GRXCR2: variants seen among roughly 807,000 people sequenced by gnomAD.
GRXCR2 encodes the protein glutaredoxin and cysteine rich domain containing 2, also known as glutaredoxin domain-containing cysteine-rich protein 2.
Under a neutral mutation model 24.8 loss-of-function variants are expected in GRXCR2, and 23 were observed. The observed-to-expected ratio is 0.93, with a 90% CI of 0.67 to 1.32. The LOEUF is 1.32. GRXCR2 is among the 40% of genes most tolerant of loss of function. The probability of loss-of-function intolerance (pLI) is 0.00; values close to 1 mark genes in which losing one functional copy is unlikely to be tolerated. For missense variants in GRXCR2, 315 were observed against 303.4 expected (o/e 1.04, Z -0.28); for synonymous variants, 130 against 116.1 (o/e 1.12, Z -0.77).
chr5:145,921,329 C>T (rs964763725), intron 2 of GRXCR2, among the ~76,000 whole-genome samples: 3 of 152,212 alleles, frequency 2.0e-5, no homozygotes, highest in African/African-American at 7.2e-5. Context: ...GGTGAATGCA[C>T]ATGTAGCAGC....
At chr5:145,880,253 A>C (rs1020724436) in intron 2 of GRXCR2, among the ~76,000 whole-genome samples, 5 of 152,210 alleles carry the variant, frequency 3.3e-5, no homozygotes, top group Non-Finnish European at 7.3e-5. Flanking sequence ...CAATGAATCC[A>C]GGAGCTGTTT....
chr5:145,882,313 C>A (rs570378898), intron 2 of GRXCR2, among the ~76,000 whole-genome samples: 118 of 152,168 alleles, frequency 7.8e-4, no homozygotes, highest in African/African-American at 2.7e-3. Context: ...TGAACTCAAA[C>A]AAATGTACAA....
intron 2 of GRXCR2, among the ~76,000 whole-genome samples, chr5:145,909,897 G>A (rs890812611): frequency 3.3e-5 from 5 of 151,980 alleles, no homozygotes; most frequent in South Asian, 2.1e-4. Context: ...CTCACCCCTC[G>A]CTTCCCAATT....
Position 145,866,544 on chromosome 5 carries a change from A to G in GRXCR2, c.521T>C (p.Leu174Ser), listed in dbSNP as rs1255938989. 1.2e-6 allele frequency: 2 copies of G among 1,614,132 alleles called. No homozygotes were observed. The highest frequency in any genetic ancestry group is 1.1e-5 in the South Asian group (1 of 91,082). ...YGGRDQHDRP[L>S]VEAESTLPQN... Reference sequence around the variant, plus strand: ...GGGTAATGTGCTTTCTGCCTCCACCAAAGGTCTATCGTGCTGGTCCCTGCC... The same window carrying G: ...GGGTAATGTGCTTTCTGCCTCCACCGAAGGTCTATCGTGCTGGTCCCTGCC... Residue 174 changes from leucine to serine, a missense_variant, in exon 2 of 3, where the codon TTG (leucine) becomes TCG (serine). Physicochemically the swap from Leu to Ser is moderately radical, Grantham distance 145. Transcript: ENST00000377976.
intron 2 of GRXCR2, among the ~76,000 whole-genome samples, chr5:145,899,153 T>C (rs1367780262): frequency 6.6e-6 from 1 of 151,924 alleles, no homozygotes; most frequent in Non-Finnish European, 1.5e-5. Flanking sequence ...ACAATCCCAT[T>C]TACAATAGCC....
At chr5:145,912,938 G>A (rs1354032073) in intron 2 of GRXCR2, among the ~76,000 whole-genome samples, 1 of 152,184 alleles carries the variant, frequency 6.6e-6, no homozygotes, top group Admixed American at 6.5e-5. Flanking sequence ...TTTTAAGGAG[G>A]ATATGGAAAC....
intron 2 of GRXCR2, among the ~76,000 whole-genome samples, chr5:145,921,523 C>T (rs1276470587): frequency 6.6e-6 from 1 of 152,170 alleles, no homozygotes; most frequent in African/African-American, 2.4e-5. Flanking sequence ...AAACTGAACA[C>T]GTTGATTCAA....
At chr5:145,905,663 G>C (rs1303753690) in intron 2 of GRXCR2, among the ~76,000 whole-genome samples, 1 of 152,194 alleles carries the variant, frequency 6.6e-6, no homozygotes, top group African/African-American at 2.4e-5. Context: ...CGAGTTGCAT[G>C]GACGGGGTAG....
intron 2 of GRXCR2, among the ~76,000 whole-genome samples, chr5:145,878,983 A>G (rs1756659414): frequency 6.6e-6 from 1 of 152,214 alleles, no homozygotes; most frequent in South Asian, 2.1e-4. Context: ...CTTTACAGAC[A>G]AGCAAATGCT....
chr5:145,915,154 G>T (rs1757219469), intron 2 of GRXCR2, among the ~76,000 whole-genome samples: 1 of 152,152 alleles, frequency 6.6e-6, no homozygotes, highest in South Asian at 2.1e-4. Context: ...GAGAGTGAAG[G>T]GTGGGGAATA....
At chr5:145,881,531 A>G (rs1359859484) in intron 2 of GRXCR2, among the ~76,000 whole-genome samples, 1 of 152,252 alleles carries the variant, frequency 6.6e-6, no homozygotes, top group Non-Finnish European at 1.5e-5. Flanking sequence ...AAAAGAGGAT[A>G]CAAACAAATG....
intron 2 of GRXCR2, among the ~76,000 whole-genome samples, chr5:145,928,257 G>A (rs1390666144): frequency 1.3e-5 from 2 of 152,116 alleles, no homozygotes; most frequent in Non-Finnish European, 2.9e-5. Flanking sequence ...GAAACAACAG[G>A]TGCTGGAGAG....
At chr5:145,920,906 C>T (rs1281651741) in intron 2 of GRXCR2, among the ~76,000 whole-genome samples, 5 of 152,230 alleles carry the variant, frequency 3.3e-5, no homozygotes, top group Non-Finnish European at 7.3e-5. Context: ...CATGTGAGGA[C>T]ACAAGGTAAA....
intron 1 of GRXCR2, among the ~76,000 whole-genome samples, chr5:145,868,171 A>C (rs1756467026): frequency 6.6e-6 from 1 of 152,192 alleles, no homozygotes; most frequent in African/African-American, 2.4e-5. Context: ...TCTGCACAAT[A>C]TGCAGATTGT....
chr5:145,885,456 G>A (rs1426954153), intron 2 of GRXCR2, among the ~76,000 whole-genome samples: 1 of 152,100 alleles, frequency 6.6e-6, no homozygotes, highest in South Asian at 2.1e-4. Context: ...CTTGTTCCAC[G>A]TTTCTCCCTC....
At chr5:145,874,552 C>T (rs1756584590), upstream of GRXCR2, among the ~76,000 whole-genome samples, 1 of 152,166 alleles carries the variant, frequency 6.6e-6, no homozygotes, top group African/African-American at 2.4e-5. Context: ...CCCCTATCAC[C>T]CTGGCCCTAG....
Position 145,872,821 on chromosome 5 carries a change from G to A in GRXCR2, c.148C>T (p.Pro50Ser), listed in dbSNP as rs760891258. ...QELESPKEEY[P>S]HSFLQESLET... ...AGAGACTCTTGCAGAAAACTGTGAG[G>A]GTATTCCTCCTTTGGTGACTCTAAT... The change falls in exon 1 of 3, where the codon CCT becomes TCT. Residue 50 changes from proline to serine, a missense_variant. By Grantham distance (74) the Pro-to-Ser change is moderately conservative. Transcript: ENST00000377976. 36 of 1,614,076 alleles carry A rather than the reference G, an allele frequency of 2.2e-5. No homozygotes were observed. In the Middle Eastern group the frequency reaches 5.0e-4, roughly 22 times the overall value.
At chr5:145,895,273 AG>A (rs1756932088) in intron 2 of GRXCR2, among the ~76,000 whole-genome samples, 1 of 151,898 alleles carries the variant, frequency 6.6e-6, no homozygotes, top group African/African-American at 2.4e-5. Flanking sequence ...TAGTGTTGGA[AG>A]TTCTGGCCAG....
chr5:145,882,744 T>A (rs1756721152), intron 2 of GRXCR2, among the ~76,000 whole-genome samples: 1 of 152,106 alleles, frequency 6.6e-6, no homozygotes, highest in Admixed American at 6.6e-5. Flanking sequence ...GTGGCACTAT[T>A]CACAATAGCT....
Sources: allele counts gnomAD v4.1 joint callset (sites outside exome capture counted in the v4.1 genomes callset), GRCh38; gene constraint gnomAD v4.1.1; transcripts MANE v1.5; gene names NCBI Gene and HGNC (gene_info 2026-07-23, HGNC 2026-07-21).